The following WNK4 variants were observed in gnomAD, a reference collection of about 807,000 sequenced individuals.
WNK4 encodes serine/threonine-protein kinase WNK4.
Under a neutral mutation model 116.2 loss-of-function variants are expected in WNK4, and 94 were observed. The observed-to-expected ratio is 0.81, with a 90% CI of 0.68 to 0.96. The LOEUF (loss-of-function observed/expected upper bound fraction) is 0.96. Ranked by LOEUF, WNK4 falls within the 40% of genes least tolerant of loss-of-function variation. The pLI is 0.00. For missense variants in WNK4, 1,542 were observed against 1,650.6 expected (o/e 0.93, Z 1.14); for synonymous variants, 655 against 672.7 (o/e 0.97, Z 0.41).
At chr17:42,795,563 A>G (rs1238480812) in intron 15 of WNK4, 42 bp downstream of exon 15, 5 of 1,613,524 alleles carry the variant, frequency 3.1e-6, no homozygotes, top group Non-Finnish European at 4.2e-6. Context: ...CATTATCCCT[A>G]CTCACTGTCT....
intron 11 of WNK4, among the ~76,000 whole-genome samples, chr17:42,792,191 T>C (rs2054613934): frequency 6.6e-6 from 1 of 152,204 alleles, no homozygotes; most frequent in Non-Finnish European, 1.5e-5. Flanking sequence ...TGATAGTATT[T>C]GTTTTGCAAA....
At chr17:42,787,940 C>A (rs913981168) in intron 8 of WNK4, 41 bp downstream of exon 8, 1 of 1,607,934 alleles carries the variant, frequency 6.2e-7, no homozygotes, top group Non-Finnish European at 8.5e-7. Flanking sequence ...CCATTCCAAG[C>A]CTATGACCTA....
Position 42,795,858 on chromosome 17 carries a change from G to C in WNK4, c.3256G>C (p.Glu1086Gln), listed in dbSNP as rs774223582. The C allele has an allele frequency of 1.2e-6, 2 of 1,613,298 alleles. No individual in the cohort carries two copies. The highest frequency in any genetic ancestry group is 3.3e-5 in the Admixed American group (2 of 59,998). ...AAEGLGAGVEEEGDDGKEPQV... is the reference protein window; with the variant it reads ...AAEGLGAGVEQEGDDGKEPQV... Reference sequence around the variant, plus strand: ...TGAGGGTCTGGGGGCTGGAGTTGAGGAGGAAGGAGATGATGGGAAGGAACC... The same window carrying C: ...TGAGGGTCTGGGGGCTGGAGTTGAGCAGGAAGGAGATGATGGGAAGGAACC... Residue 1086 changes from glutamate to glutamine, a missense_variant, in exon 16 of 19, where the codon GAG (glutamate) becomes CAG (glutamine). Glu to Gln is a conservative substitution (Grantham distance 29, BLOSUM62 2). Coordinates refer to ENST00000246914, the MANE Select transcript of WNK4 (RefSeq NM_032387.5).
At chr17:42,788,861 C>CTT in intron 11 of WNK4, 64 bp downstream of exon 11, 1 of 1,367,592 alleles carries the variant, frequency 7.3e-7, no homozygotes, top group Non-Finnish European at 1.0e-6. Context: ...TTCCTGATGT[C>CTT]CGCTGGGGCT....
At chr17:42,796,378 T>C (rs996555061) in intron 17 of WNK4, 56 bp downstream of exon 17, 2 of 1,611,628 alleles carry the variant, frequency 1.2e-6, no homozygotes, top group Non-Finnish European at 1.7e-6. Context: ...TTCTGTCGAC[T>C]GTTTTTCTCC....
At chr17:42,790,988 C>T (rs1438901971) in intron 11 of WNK4, among the ~76,000 whole-genome samples, 1 of 152,148 alleles carries the variant, frequency 6.6e-6, no homozygotes, top group African/African-American at 2.4e-5. Context: ...TTCCATCCAG[C>T]CACACTGGTT....
Position 42,782,623 on chromosome 17 carries a change from G to A in WNK4, c.619-135G>A. On this transcript the variant is annotated intron_variant, in intron 1 of 18. Coordinates refer to ENST00000246914, the MANE Select transcript of WNK4 (RefSeq NM_032387.5). The surrounding 1 kb of genome is among the most constrained non-coding windows in gnomAD (Gnocchi z 4.2). ...AGAGTTCAGGGTCTGCAGCCCACTG[G>A]GCAAGTAATCCCATTAACCCCACCC... 1 of 1,010,034 alleles carries A rather than the reference G, an allele frequency of 9.9e-7. No individual in the cohort carries two copies. Among genetic ancestry groups the A allele is most frequent in the South Asian group, 1.4e-5 (1 of 70,874 alleles). 62.6% of individuals were successfully genotyped at this position (1,010,034 alleles called of 1,614,324 possible). A position where few individuals can be genotyped will look rare whatever the true frequency, so the allele number is the denominator to read the frequency against.
Position 42,784,679 on chromosome 17 carries a change from C to A in WNK4, c.1170+100C>A. ...TCAATGCCCTTTGCCTGCACGAAAA[C>A]AGGCTAGACACAGAGTCGCCTTGGT... On this transcript the variant is annotated intron_variant, in intron 4 of 18. Coordinates refer to ENST00000246914, the MANE Select transcript of WNK4 (RefSeq NM_032387.5). The surrounding 1 kb of genome is among the most constrained non-coding windows in gnomAD (Gnocchi z 4.4). The A allele has an allele frequency of 6.7e-7, 1 of 1,486,830 alleles. No homozygotes were observed. Among genetic ancestry groups the A allele is most frequent in the Admixed American group, 1.9e-5 (1 of 53,024 alleles). The allele number at this position is 1,486,830 out of a possible 1,614,324, so 92.1% of individuals were successfully genotyped here. A position where few individuals can be genotyped will look rare whatever the true frequency, so the allele number is the denominator to read the frequency against.
chr17:42,792,674 C>T (rs903510775), intron 11 of WNK4, among the ~76,000 whole-genome samples: 5 of 152,308 alleles, frequency 3.3e-5, no homozygotes, highest in African/African-American at 1.2e-4. Context: ...TTTTGGGCTT[C>T]GTTAAGCCTA....
rs142279974 is a variant in WNK4, at chr17:42,795,508, G to A, written c.3009G>A (p.Ala1003=). ...ARPLPGEARL[A]PISEEGKPQL... ...CCCTCCCAGGGGAAGCCAGGCTGGCGCCCATCTCTGAAGGTAAGGCCTCTG... is the reference window on the plus strand; with the variant it reads ...CCCTCCCAGGGGAAGCCAGGCTGGCACCCATCTCTGAAGGTAAGGCCTCTG... Residue 1003 remains alanine (A), a synonymous_variant, in exon 15 of 19, where the codon GCG becomes GCA. Transcript: ENST00000246914. The A allele has an allele frequency of 8.8e-5, 142 of 1,614,076 alleles. No homozygotes were observed. In the Admixed American group the frequency reaches 1.6e-3, roughly 19 times the overall value.
In WNK4 at chr17:42,796,863, A is replaced by G. The variant is rs191035468; in HGVS notation, c.*175A>G. On this transcript the variant is annotated 3_prime_UTR_variant, in exon 19 of 19. Transcript: ENST00000246914. Reference sequence around the variant, plus strand: ...GCTCCATTATAGTGAAGAGCCAAACATATGTGAACTGTTTGCTGTGTGGAG... The same window carrying G: ...GCTCCATTATAGTGAAGAGCCAAACGTATGTGAACTGTTTGCTGTGTGGAG... 3 of 1,277,070 alleles carry G rather than the reference A, an allele frequency of 2.3e-6. No homozygotes were observed. The highest frequency in any genetic ancestry group is 2.0e-5 in the Admixed American group (1 of 49,156). The allele number at this position is 1,277,070 out of a possible 1,614,324, so 79.1% of individuals were successfully genotyped here.
At position 42,781,255 on chromosome 17, in the gene WNK4, A is replaced by G. The variant is rs896097275; in HGVS notation, c.557A>G (p.Lys186Arg). Reference protein sequence around the residue: ...FDIEIGRGSFKTVYRGLDTDT... With the variant: ...FDIEIGRGSFRTVYRGLDTDT... ...ATCGAGATTGGACGTGGCTCCTTCA[A>G]GACGGTGTATCGAGGGCTAGACACC... The change falls in exon 1 of 19, where the codon AAG (lysine) becomes AGG (arginine). Residue 186 changes from lysine (K) to arginine (R), a missense_variant. This residue lies in a region of WNK4 where 44 missense variants were observed against 77.7 expected (regional missense o/e 0.57). Transcript: ENST00000246914. The G allele has an allele frequency of 6.2e-7, 1 of 1,614,182 alleles. No individual in the cohort carries two copies. Among genetic ancestry groups the G allele is most frequent in the Non-Finnish European group, 8.5e-7 (1 of 1,180,020 alleles).
At chr17:42,788,227 C>T (rs768431574) in intron 9 of WNK4, 39 bp downstream of exon 9, 5 of 1,613,798 alleles carry the variant, frequency 3.1e-6, no homozygotes, top group Non-Finnish European at 4.2e-6. Flanking sequence ...GGGTGAGACA[C>T]CTGGGGCACT....
intron 17 of WNK4, 29 bp from the exon 18 acceptor site, chr17:42,796,452 G>C (rs777192737): frequency 6.2e-7 from 1 of 1,613,692 alleles, no homozygotes; most frequent in Non-Finnish European, 8.5e-7. Flanking sequence ...TCCTCACTTA[G>C]TGCTCTCCTT....
chr17:42,795,994 A>G lies in WNK4; in HGVS notation c.3392A>G (p.Asp1131Gly). ...SSEESESSGE[D>G]EEFWAELQSL... The stretch of plus-strand genomic sequence containing the variant: ...GAGGAGTCAGAAAGCAGTGGGGAAG[A>G]TGAGGAGTTCTGGGCTGAGCTGCAG... The change falls in exon 16 of 19, where the codon GAT becomes GGT. Residue 1131 changes from aspartate (D) to glycine (G), a missense_variant. Transcript: ENST00000246914. 6.2e-7 allele frequency: 1 copy of G among 1,613,764 alleles called. No individual in the cohort carries two copies. The highest frequency in any genetic ancestry group is 8.5e-7 in the Non-Finnish European group (1 of 1,180,024).
At chr17:42,791,823 G>A (rs1413695012) in intron 11 of WNK4, among the ~76,000 whole-genome samples, 1 of 151,734 alleles carries the variant, frequency 6.6e-6, no homozygotes, top group Non-Finnish European at 1.5e-5. Context: ...TGGGCATGGT[G>A]CCAGGCAGTC....
Position 42,782,968 on chromosome 17 carries a change from T to C in WNK4, c.791+38T>C, listed in dbSNP as rs2054502100. ...CATGAGTGGGTGGGGAGAGGGAGGC[T>C]GGGATGTGTGCCCACTGCTTCCTGA... is the stretch of plus-strand genomic sequence containing the variant. On this transcript the variant is annotated intron_variant, in intron 2 of 18. Transcript: ENST00000246914. The surrounding 1 kb of genome is among the most constrained non-coding windows in gnomAD (Gnocchi z 4.2). 1 of 1,608,042 alleles carries C rather than the reference T, an allele frequency of 6.2e-7. No individual in the cohort carries two copies.
In WNK4 at chr17:42,781,149, C is replaced by A. The variant is rs987915553; in HGVS notation, c.451C>A (p.Arg151=). 13 of 1,614,012 alleles carry A rather than the reference C, an allele frequency of 8.1e-6. No homozygotes were observed. Among genetic ancestry groups the A allele is most frequent in the Non-Finnish European group, 1.1e-5 (13 of 1,179,952 alleles). ...RVPEAVALER[R]REQEEKEDME... is the part of the protein sequence containing the mutation. ...CCCTGAAGCTGTGGCCCTAGAGCGG[C>A]GGCGGGAGCAGGAAGAAAAGGAGGA... is the stretch of plus-strand genomic sequence containing the variant. The change falls in exon 1 of 19, where the codon CGG becomes AGG. Residue 151 remains arginine (R), a synonymous_variant. Coordinates refer to ENST00000246914, the MANE Select transcript of WNK4 (RefSeq NM_032387.5).
chr17:42,787,192 T>C, intron 6 of WNK4, 86 bp from the exon 7 acceptor site: 2 of 1,583,946 alleles, frequency 1.3e-6, no homozygotes, highest in South Asian at 2.3e-5. Context: ...CTTCCTCCCA[T>C]ATCCTGGAGT....
Sources: gnomAD v4.1 joint callset for allele counts (sites outside exome capture counted in the v4.1 genomes callset) on GRCh38, gnomAD v4.1.1 for gene constraint, gnomAD v4.1.1 regional missense constraint, Gnocchi (gnomAD v3.1) non-coding constraint, MANE v1.5 for transcripts, NCBI Gene and HGNC (gene_info 2026-07-23, HGNC 2026-07-21) for gene names.